Variants in NT5C1B observed in about 807,000 individuals in gnomAD.
The protein encoded by NT5C1B is 5'-nucleotidase, cytosolic IB.
A neutral mutation model predicts 57.8 loss-of-function variants in NT5C1B; 44 were observed. The observed-to-expected ratio is 0.76, with a 90% CI of 0.60 to 0.98. The LOEUF (loss-of-function observed/expected upper bound fraction) is 0.98. Ranked by LOEUF, NT5C1B falls within the 50% of genes least tolerant of loss-of-function variation. NT5C1B has a pLI of 0.00. For missense variants in NT5C1B, 742 were observed against 719.5 expected (o/e 1.03, Z -0.36); for synonymous variants, 284 against 282.6 (o/e 1.00, Z -0.05).
At chr2:18,575,383 C>G (rs977936149) in intron 8 of NT5C1B, among the ~76,000 whole-genome samples, 2 of 151,928 alleles carry the variant, frequency 1.3e-5, no homozygotes, top group African/African-American at 4.8e-5. Context: ...TTTCAACTTT[C>G]AATTAGTCTA....
At chr2:18,579,930 A>G (rs1666036994) in intron 6 of NT5C1B, among the ~76,000 whole-genome samples, 1 of 152,226 alleles carries the variant, frequency 6.6e-6, no homozygotes. Flanking sequence ...GTATTTAAAC[A>G]GATTAACAAG....
At chr2:18,588,721 T>C (rs1231067864) in intron 1 of NT5C1B, among the ~76,000 whole-genome samples, 1 of 152,180 alleles carries the variant, frequency 6.6e-6, no homozygotes, top group African/African-American at 2.4e-5. Context: ...CCTTAAATCC[T>C]CTCCACTTCT....
chr2:18,576,051 C>A, intron 8 of NT5C1B, 133 bp downstream of exon 8: 2 of 945,356 alleles, frequency 2.1e-6, no homozygotes, highest in African/African-American at 1.8e-5. Flanking sequence ...GAGAAAGCTC[C>A]AAAGATAAGA....
chr2:18,585,126 T>C (rs1666580647), intron 3 of NT5C1B, 148 bp from the exon 4 acceptor site: 5 of 1,006,636 alleles, frequency 5.0e-6, no homozygotes, highest in Non-Finnish European at 7.8e-6. Flanking sequence ...GACTCGGACA[T>C]TTCTAGGCCT....
chr2:18,587,451 T>C, intron 2 of NT5C1B, 52 bp downstream of exon 2: 1 of 1,598,616 alleles, frequency 6.3e-7, no homozygotes, highest in Non-Finnish European at 8.5e-7. Context: ...ACATTTTCCA[T>C]TATGCTTTCT....
At chr2:18,588,533 C>T (rs1201143779) in intron 1 of NT5C1B, among the ~76,000 whole-genome samples, 1 of 152,176 alleles carries the variant, frequency 6.6e-6, no homozygotes, top group African/African-American at 2.4e-5. Flanking sequence ...TTTTCATCAA[C>T]CCTCACTCAC....
At chr2:18,587,294 C>T in intron 2 of NT5C1B, 1 of 1,481,942 alleles carries the variant, frequency 6.7e-7, no homozygotes, top group Non-Finnish European at 9.0e-7. Context: ...TGGTTCCACA[C>T]ATTCGAAGTG....
rs758129826 is a variant in NT5C1B at position 18,584,543 on chromosome 2, T to C, written c.694A>G (p.Lys232Glu). ...CAGGGGCGCGAGCAGCTCGGGTTCT[T>C]CTCGTAGAACGACCTCATGGATGCC... is the stretch of plus-strand genomic sequence containing the variant. The change falls in exon 4 of 9, where the codon AAG becomes GAG. Residue 232 changes from lysine (K) to glutamate (E), a missense_variant. By Grantham distance (56) the Lys-to-Glu change is moderately conservative (BLOSUM62 1). Coordinates refer to ENST00000304081, the Ensembl canonical transcript of NT5C1B. This position sits in a 1 kb window ranked among gnomAD's most constrained non-coding sequence, Gnocchi z 5.8. 6 of 1,612,172 alleles carry C rather than the reference T, an allele frequency of 3.7e-6. No homozygotes were observed. The highest frequency in any genetic ancestry group is 5.1e-6 in the Non-Finnish European group (6 of 1,179,324).
At chr2:18,572,606 C>A (rs892920267) in intron 8 of NT5C1B, among the ~76,000 whole-genome samples, 2 of 151,966 alleles carry the variant, frequency 1.3e-5, no homozygotes, top group African/African-American at 4.8e-5. Flanking sequence ...GATAACAAAC[C>A]AAAAACCCAA....
intron 6 of NT5C1B, among the ~76,000 whole-genome samples, chr2:18,578,541 A>G (rs2148138531): frequency 6.6e-6 from 1 of 152,306 alleles, no homozygotes; most frequent in Admixed American, 6.5e-5. Context: ...GTTCAGAACT[A>G]AAAGTAAAAA....
At chr2:18,569,936 G>A (rs930735839) in intron 8 of NT5C1B, among the ~76,000 whole-genome samples, 3 of 151,946 alleles carry the variant, frequency 2.0e-5, no homozygotes, top group African/African-American at 7.2e-5. Context: ...TATTCATCAA[G>A]ATAGACCATA....
chr2:18,563,928 T>G, exon 9 of NT5C1B: 1 of 1,614,150 alleles, frequency 6.2e-7, no homozygotes, highest in South Asian at 1.1e-5. Context: ...TTTTGGGGGC[T>G]CCAGCAAGGA....
At chr2:18,578,380 C>T (rs894843515) in intron 6 of NT5C1B, among the ~76,000 whole-genome samples, 1 of 151,976 alleles carries the variant, frequency 6.6e-6, no homozygotes, top group African/African-American at 2.4e-5. Context: ...CAAAATACTA[C>T]CAAACCCAAT....
At position 18,584,217 on chromosome 2, in the gene NT5C1B, G is replaced by A; in HGVS notation, c.762C>T (p.Ser254=). 1.2e-6 allele frequency: 2 copies of A among 1,614,192 alleles called. No individual in the cohort carries two copies. The highest frequency in any genetic ancestry group is 1.7e-6 in the Non-Finnish European group (2 of 1,180,038). ...CGTCCACCATGTTGAAGAGCGCGCA[G>A]GATGAGAGAGCAATGGTGATGGCGT... Residue 254 remains serine, a synonymous_variant, in exon 5 of 9, where the codon TCC becomes TCT. Transcript: ENST00000304081. This position sits in a 1 kb window ranked among gnomAD's most constrained non-coding sequence, Gnocchi z 5.8.
At chr2:18,573,904 G>A (rs978736716) in intron 8 of NT5C1B, among the ~76,000 whole-genome samples, 1 of 152,146 alleles carries the variant, frequency 6.6e-6, no homozygotes, top group Non-Finnish European at 1.5e-5. Flanking sequence ...CCTGCAATAA[G>A]TAGGGTTGGG....
chr2:18,586,744 G>A (rs1666746176), intron 2 of NT5C1B: 4 of 649,090 alleles, frequency 6.2e-6, no homozygotes, highest in Non-Finnish European at 1.0e-5. Context: ...AACAGATGCT[G>A]AAACAATATA....
intron 2 of NT5C1B, 47 bp downstream of exon 2, chr2:18,587,456 C>T: frequency 6.3e-7 from 1 of 1,599,456 alleles, no homozygotes; most frequent in East Asian, 2.2e-5. Flanking sequence ...TTCCATTATG[C>T]TTTCTGCTCC....
Position 18,565,083 on chromosome 2 carries a change from CATT to C in NT5C1B, c.1330-967_1330-965del, listed in dbSNP as rs1385526682. On this transcript the variant is annotated intron_variant, in intron 8 of 8. Transcript: ENST00000304081. ...TTACTTTTCCTTGGTGTTTCTTTTG[CATT>C]ATTACATTTTGTTTTATTTCTGTTT... Among the ~76,000 whole-genome samples the C allele has an allele frequency of 2.0e-5, 3 of 152,082 alleles. No individual in the cohort carries two copies. In the East Asian group the frequency reaches 5.8e-4, roughly 29 times the overall value.
Position 18,576,343 on chromosome 2 carries a change from A to G in NT5C1B, c.1170T>C (p.Asp390=), listed in dbSNP as rs1490063775. Residue 390 remains aspartate, a synonymous_variant, in exon 8 of 9, where the codon GAT becomes GAC. Transcript: ENST00000304081. The stretch of plus-strand genomic sequence containing the variant: ...CACAGTAAGCCATGTCTTTGGCTCC[A>G]TCAAACATTGTCGCAGAGGCAATAC... 84 of 1,613,158 alleles carry G rather than the reference A, an allele frequency of 5.2e-5. No homozygotes were observed. The East Asian group carries it at 1.8e-3, about 35-fold the overall frequency.
Sources: gnomAD v4.1 joint callset for allele counts (sites outside exome capture counted in the v4.1 genomes callset) on GRCh38, gnomAD v4.1.1 for gene constraint, Gnocchi (gnomAD v3.1) non-coding constraint, MANE v1.5 for transcripts, NCBI Gene and HGNC (gene_info 2026-07-23, HGNC 2026-07-21) for gene names.